The following PIGL variants were observed in gnomAD, a reference collection of about 807,000 sequenced individuals.
PIGL encodes the protein phosphatidylinositol glycan anchor biosynthesis class L.
In PIGL, 22 loss-of-function variants were observed where a neutral mutation model predicts 31.1. That is an observed-to-expected ratio of 0.71 (90% confidence interval 0.51 to 1.01). The LOEUF (loss-of-function observed/expected upper bound fraction) is 1.01. PIGL is among the 50% of genes least tolerant of loss of function. The pLI, the probability that PIGL is intolerant of heterozygous loss-of-function variation, is 0.00. For missense variants in PIGL, 302 were observed against 315.9 expected (o/e 0.96, Z 0.33); for synonymous variants, 131 against 117.4 (o/e 1.12, Z -0.75).
intron 2 of PIGL, among the ~76,000 whole-genome samples, chr17:16,263,404 T>C (rs1334766599): frequency 2.6e-5 from 4 of 152,140 alleles, no homozygotes; most frequent in Non-Finnish European, 4.4e-5. Context: ...GGTCTCAAAC[T>C]CATGACTGCA....
chr17:16,275,468 G>A (rs1047293093), intron 2 of PIGL, among the ~76,000 whole-genome samples: 16 of 152,130 alleles, frequency 1.1e-4, no homozygotes, highest in Non-Finnish European at 1.5e-4. Flanking sequence ...CATCCTATAA[G>A]TAAGAATGCT....
At position 16,272,312 on chromosome 17, in the gene PIGL, A is replaced by G. The variant is rs560325225; in HGVS notation, c.336-27576A>G. Reference sequence around the variant, plus strand: ...CTGGACATCTGTTATTTACAGCCTCATTATTGACATTTTGTCAATAGTTCT... The same window carrying G: ...CTGGACATCTGTTATTTACAGCCTCGTTATTGACATTTTGTCAATAGTTCT... On this transcript the variant is annotated intron_variant, in intron 2 of 6. Coordinates refer to ENST00000225609, the MANE Select transcript of PIGL (RefSeq NM_004278.4). Among the ~76,000 whole-genome samples the G allele has an allele frequency of 1.1e-4, 16 of 152,298 alleles. 1 individual carries two copies. In the South Asian group the frequency reaches 3.1e-3, roughly 30 times the overall value.
At chr17:16,262,259 A>T (rs2092822326) in intron 2 of PIGL, among the ~76,000 whole-genome samples, 1 of 152,172 alleles carries the variant, frequency 6.6e-6, no homozygotes. Context: ...AAACAGGCGA[A>T]GGACTTGAGT....
At chr17:16,235,593 T>A (rs1175477806) in intron 2 of PIGL, among the ~76,000 whole-genome samples, 1 of 151,524 alleles carries the variant, frequency 6.6e-6, no homozygotes, top group Non-Finnish European at 1.5e-5. Flanking sequence ...ATTACAGGCA[T>A]CCACCACCAC....
intron 2 of PIGL, among the ~76,000 whole-genome samples, chr17:16,280,279 A>G (rs571916462): frequency 1.3e-5 from 2 of 152,236 alleles, no homozygotes; most frequent in African/African-American, 2.4e-5. Flanking sequence ...TAAGGGTCCT[A>G]TAAGACTGGA....
At chr17:16,287,833 G>A (rs1035293332) in intron 2 of PIGL, among the ~76,000 whole-genome samples, 4 of 152,182 alleles carry the variant, frequency 2.6e-5, no homozygotes, top group African/African-American at 9.7e-5. Flanking sequence ...GCTCCCTGGT[G>A]CAGAGCAACA....
At chr17:16,300,415 T>A (rs2092999601) in intron 3 of PIGL, among the ~76,000 whole-genome samples, 1 of 152,156 alleles carries the variant, frequency 6.6e-6, no homozygotes, top group Admixed American at 6.5e-5. Flanking sequence ...GTGTGGTGGC[T>A]CATGCCTGTA....
intron 5 of PIGL, 98 bp downstream of exon 5, chr17:16,316,810 CG>C (rs775015602): frequency 6.4e-7 from 1 of 1,565,064 alleles, no homozygotes; most frequent in East Asian, 2.3e-5. Flanking sequence ...TGCCCTCAGC[CG>C]AGCAGAGGCA....
At chr17:16,261,460 C>T (rs1303294556) in intron 2 of PIGL, among the ~76,000 whole-genome samples, 1 of 152,132 alleles carries the variant, frequency 6.6e-6, no homozygotes, top group Non-Finnish European at 1.5e-5. Flanking sequence ...CATCAAAGGA[C>T]ACTATCAAGA....
In PIGL at chr17:16,316,947, A is replaced by G. The variant is rs974918125; in HGVS notation, c.526+235A>G. The G allele has an allele frequency of 7.6e-6, 10 of 1,310,296 alleles. No homozygotes were observed. In the African/African-American group the frequency reaches 1.5e-4, roughly 19 times the overall value. 81.2% of individuals were successfully genotyped at this position (1,310,296 alleles called of 1,614,324 possible). A position where few individuals can be genotyped will look rare whatever the true frequency, so the allele number is the denominator to read the frequency against. ...GTGGGGAGGCCAGGTTTGCCCCTCA[A>G]CCTGTCTAGCTTTTTCACAGGGTGG... On this transcript the variant is annotated intron_variant, in intron 5 of 6. Transcript: ENST00000225609.
chr17:16,255,751 C>A (rs1054082062), intron 2 of PIGL, among the ~76,000 whole-genome samples: 5 of 152,220 alleles, frequency 3.3e-5, no homozygotes, highest in African/African-American at 1.2e-4. Flanking sequence ...CAGTCCTTTT[C>A]TCCAAATACA....
At position 16,249,956 on chromosome 17, in the gene PIGL, T is replaced by G. The variant is rs910803938; in HGVS notation, c.335+15886T>G. Among the ~76,000 whole-genome samples the G allele has an allele frequency of 3.3e-5, 5 of 152,274 alleles. No individual in the cohort carries two copies. In the East Asian group the frequency reaches 5.8e-4, roughly 18 times the overall value. ...GTTGATACCTAAATTATTATTATTTTTGTGTGTGTGATGGAGTTTCACTCT... is the reference window on the plus strand; with the variant it reads ...GTTGATACCTAAATTATTATTATTTGTGTGTGTGTGATGGAGTTTCACTCT... On this transcript the variant is annotated intron_variant, in intron 2 of 6. Coordinates refer to ENST00000225609, the MANE Select transcript of PIGL (RefSeq NM_004278.4).
intron 3 of PIGL, among the ~76,000 whole-genome samples, chr17:16,308,679 C>T (rs2093036111): frequency 6.6e-6 from 1 of 151,766 alleles, no homozygotes; most frequent in Non-Finnish European, 1.5e-5. Flanking sequence ...CCAAGACCAA[C>T]CTCAGTAACA....
chr17:16,234,125 T>C, intron 2 of PIGL, 55 bp downstream of exon 2: 1 of 993,460 alleles, frequency 1.0e-6, no homozygotes, highest in Non-Finnish European at 1.6e-6. Context: ...TGCAGTGATA[T>C]ACTCAAAAGA....
In PIGL at chr17:16,233,966, C is replaced by T. The variant is rs2092689200; in HGVS notation, c.236-5C>T. 1.3e-6 allele frequency: 2 copies of T among 1,565,330 alleles called. No homozygotes were observed. On this transcript the variant is annotated splice_region_variant and splice_polypyrimidine_tract_variant and intron_variant, in intron 1 of 6. Coordinates refer to ENST00000225609, the MANE Select transcript of PIGL (RefSeq NM_004278.4). The stretch of plus-strand genomic sequence containing the variant: ...AATCTACCACTGTATATTTGTTACC[C>T]TCAGGAAATTACTACAATCAAGGAG...
At chr17:16,296,529 G>A (rs2092982854) in intron 2 of PIGL, among the ~76,000 whole-genome samples, 1 of 151,166 alleles carries the variant, frequency 6.6e-6, no homozygotes, top group African/African-American at 2.4e-5. Flanking sequence ...AGAATCCCTT[G>A]AACCTGGGAG....
chr17:16,277,281 A>T (rs1338929764), intron 2 of PIGL, among the ~76,000 whole-genome samples: 1 of 152,268 alleles, frequency 6.6e-6, no homozygotes, highest in African/African-American at 2.4e-5. Context: ...GTTCTGATAC[A>T]AAAGAAAACA....
At chr17:16,311,763 C>T (rs564942035) in intron 3 of PIGL, among the ~76,000 whole-genome samples, 157 of 151,930 alleles carry the variant, frequency 1.0e-3, no homozygotes, top group Non-Finnish European at 1.7e-3. Context: ...TTTCAGAGAG[C>T]ACAGGGTTGG....
chr17:16,324,484 C>T (rs906423307), intron 6 of PIGL: 2 of 152,058 alleles, frequency 1.3e-5, no homozygotes, highest in African/African-American at 4.8e-5. Context: ...CCTCAGCTTC[C>T]CGAGTAGCTG....
Sources: gnomAD v4.1 joint callset for allele counts (sites outside exome capture counted in the v4.1 genomes callset) on GRCh38, gnomAD v4.1.1 for gene constraint, MANE v1.5 for transcripts, NCBI Gene and HGNC (gene_info 2026-07-23, HGNC 2026-07-21) for gene names.